MYO18A: variants seen among roughly 807,000 people sequenced by gnomAD.
The protein encoded by MYO18A is myosin XVIIIA, also known as unconventional myosin-XVIIIa.
Under a neutral mutation model 235.8 loss-of-function variants are expected in MYO18A, and 78 were observed. The observed-to-expected ratio is 0.33, with a 90% CI of 0.28 to 0.40. MYO18A has a LOEUF of 0.40. Among genes scored for constraint, MYO18A ranks in the 10% least tolerant of loss-of-function variants. MYO18A has a pLI of 1.00. For missense variants in MYO18A, 2,215 were observed against 2,699.3 expected, an observed-to-expected ratio of 0.82 and a Z score of 3.98; for synonymous variants, 977 against 1,077.8, an observed-to-expected ratio of 0.91 and a Z score of 1.83.
intron 33 of MYO18A, 142 bp from the exon 34 acceptor site, chr17:29,092,598 G>T: frequency 1.2e-6 from 1 of 812,566 alleles, no homozygotes; most frequent in Non-Finnish European, 2.0e-6. Flanking sequence ...GCTGTGTGGT[G>T]GTGCACGCGT....
Position 29,137,459 on chromosome 17 carries a change from G to T in MYO18A, c.1000-15206C>A, listed in dbSNP as rs1368278706. Reference sequence around the variant, plus strand: ...AAATACATAGTGAACTCAATGCCTGGGTTTGCAGGGAGGGCAAGGACACTG... The same window carrying T: ...AAATACATAGTGAACTCAATGCCTGTGTTTGCAGGGAGGGCAAGGACACTG... On this transcript the variant is annotated intron_variant, in intron 2 of 41. Transcript: ENST00000527372. Among the ~76,000 whole-genome samples the T allele has an allele frequency of 2.6e-5, 4 of 152,158 alleles. No individual in the cohort carries two copies. In the East Asian group the frequency reaches 7.7e-4, roughly 29 times the overall value.
chr17:29,106,990 C>T lies in MYO18A; in HGVS notation c.3441+90G>A, dbSNP rs1427873897. Reference sequence around the variant, plus strand: ...GCCTGAGCAGGGCCAGATGAGCTGTCTCCAGGGAAGGGAAGGCAGATGAGT... The same window carrying T: ...GCCTGAGCAGGGCCAGATGAGCTGTTTCCAGGGAAGGGAAGGCAGATGAGT... On this transcript the variant is annotated intron_variant, in intron 20 of 41. Coordinates refer to ENST00000527372, the MANE Select transcript of MYO18A (RefSeq NM_078471.4). The surrounding 1 kb of genome is among the most constrained non-coding windows in gnomAD (Gnocchi z 4.6). 2.1e-5 allele frequency: 27 copies of T among 1,286,100 alleles called. No homozygotes were observed. Among genetic ancestry groups the T allele is most frequent in the African/African-American group, 2.9e-5 (2 of 68,444 alleles). 79.7% of individuals were successfully genotyped at this position (1,286,100 alleles called of 1,614,324 possible).
intron 2 of MYO18A, among the ~76,000 whole-genome samples, chr17:29,145,987 G>T (rs1387031940): frequency 6.6e-6 from 1 of 152,256 alleles, no homozygotes; most frequent in Non-Finnish European, 1.5e-5. Flanking sequence ...GGCAGGCGTA[G>T]TGGCTCACGC....
Position 29,079,963 on chromosome 17 carries a change from T to C in MYO18A, c.6020+2353A>G, listed in dbSNP as rs894432046. The C allele has an allele frequency of 5.1e-6, 5 of 985,898 alleles. No individual in the cohort carries two copies. The African/African-American group carries it at 8.7e-5, about 17-fold the overall frequency. 61.1% of individuals were successfully genotyped at this position (985,898 alleles called of 1,614,324 possible). On this transcript the variant is annotated intron_variant, in intron 41 of 41. Coordinates refer to ENST00000527372, the MANE Select transcript of MYO18A (RefSeq NM_078471.4). Reference sequence around the variant, plus strand: ...TCTCTTTCTTCTCGACTTGGACTTCTTGCTCTTCCGAGAGCGCCCCTTCTT... The same window carrying C: ...TCTCTTTCTTCTCGACTTGGACTTCCTGCTCTTCCGAGAGCGCCCCTTCTT...
At chr17:29,114,504 C>T (rs546008253) in intron 14 of MYO18A, among the ~76,000 whole-genome samples, 2 of 152,328 alleles carry the variant, frequency 1.3e-5, no homozygotes, top group Admixed American at 6.5e-5. Flanking sequence ...TTCCAGTTCT[C>T]GTCCCATCCG....
At chr17:29,080,515 G>A (rs1220404487) in intron 41 of MYO18A, 15 of 986,024 alleles carry the variant, frequency 1.5e-5, no homozygotes, top group African/African-American at 3.5e-5. Flanking sequence ...TAGGCCAGAG[G>A]CCCGGCTCAG....
At chr17:29,105,533 G>C (rs1006688639) in intron 20 of MYO18A, among the ~76,000 whole-genome samples, 1 of 152,184 alleles carries the variant, frequency 6.6e-6, no homozygotes, top group Non-Finnish European at 1.5e-5. Flanking sequence ...AGGATCAAGG[G>C]ACTGGATGAG....
In MYO18A at chr17:29,120,950, C is replaced by G; in HGVS notation, c.1585+48G>C. ...CTTAAGAGGGTGCTCTCTCCTCACT[C>G]CCCTCCCCTCACCCCACTTTCAGTT... On this transcript the variant is annotated intron_variant, in intron 6 of 41. Transcript: ENST00000527372. This position sits in a 1 kb window ranked among gnomAD's most constrained non-coding sequence, Gnocchi z 4.2. 6.3e-7 allele frequency: 1 copy of G among 1,577,794 alleles called. No individual in the cohort carries two copies. Among genetic ancestry groups the G allele is most frequent in the Non-Finnish European group, 8.6e-7 (1 of 1,160,306 alleles).
chr17:29,128,608 G>A (rs969508106), intron 2 of MYO18A: 36 of 1,142,336 alleles, frequency 3.2e-5, no homozygotes, highest in Non-Finnish European at 3.3e-5. Flanking sequence ...ATCCCATGCA[G>A]AGGGAATAAG....
At chr17:29,149,735 C>G (rs1009807065) in intron 2 of MYO18A, among the ~76,000 whole-genome samples, 9 of 152,202 alleles carry the variant, frequency 5.9e-5, no homozygotes, top group South Asian at 4.1e-4. Context: ...TCATGGCCCC[C>G]GGGGACTTCC....
intron 2 of MYO18A, among the ~76,000 whole-genome samples, chr17:29,142,699 C>T (rs2067767267): frequency 6.6e-6 from 1 of 152,258 alleles, no homozygotes; most frequent in Non-Finnish European, 1.5e-5. Flanking sequence ...TGATTCACAG[C>T]ATACCATGGT....
chr17:29,115,788 T>C lies in MYO18A; in HGVS notation c.2103A>G (p.Leu701=). The change falls in exon 12 of 42, where the codon CTA becomes CTG. Residue 701 remains leucine (L), a synonymous_variant. Transcript: ENST00000527372. ...ACAGCTCCTCCAGGCTGCAGCCCAG[T>C]AGGTACGCAGCCTTCTGGGCCCACT... ...RHEWAQKAAY[L]LGCSLEELSS... is the part of the protein sequence containing the mutation. The C allele has an allele frequency of 6.3e-7, 1 of 1,592,082 alleles. No homozygotes were observed. Among genetic ancestry groups the C allele is most frequent in the Non-Finnish European group, 8.6e-7 (1 of 1,168,994 alleles).
chr17:29,146,715 G>A (rs1168190070), intron 2 of MYO18A, among the ~76,000 whole-genome samples: 25 of 152,194 alleles, frequency 1.6e-4, no homozygotes, highest in Admixed American at 1.6e-3. Flanking sequence ...GAGGACCAAG[G>A]CTGCCTAGAA....
chr17:29,129,528 T>C lies in MYO18A; in HGVS notation c.1000-7275A>G, dbSNP rs538200664. On this transcript the variant is annotated intron_variant, in intron 2 of 41. Coordinates refer to ENST00000527372, the MANE Select transcript of MYO18A (RefSeq NM_078471.4). The stretch of plus-strand genomic sequence containing the variant: ...AGAGTTTCCCATAAAGCCAGCTCCA[T>C]TGCCTGGGGAGCGTAAGGGCAACCT... 2.0e-5 allele frequency among the ~76,000 whole-genome samples: 3 copies of C among 152,326 alleles called. No individual in the cohort carries two copies. In the East Asian group the frequency reaches 5.8e-4, roughly 29 times the overall value.
chr17:29,156,490 T>G (rs775234240), intron 2 of MYO18A, among the ~76,000 whole-genome samples: 5 of 151,994 alleles, frequency 3.3e-5, no homozygotes, highest in African/African-American at 1.2e-4. Context: ...AAACAGTCCA[T>G]GGGTGGAGAT....
chr17:29,112,090 G>A (rs2066944362), intron 15 of MYO18A, among the ~76,000 whole-genome samples: 1 of 152,198 alleles, frequency 6.6e-6, no homozygotes, highest in African/African-American at 2.4e-5. Flanking sequence ...CAGCAAAAGA[G>A]GGTGCTTAGC....
chr17:29,086,810 C>T (rs1172351958), intron 38 of MYO18A, 126 bp downstream of exon 38: 2 of 1,236,570 alleles, frequency 1.6e-6, no homozygotes, highest in Non-Finnish European at 2.2e-6. Context: ...CTCCTCCTCC[C>T]TCCCATTCTC....
At chr17:29,152,546 T>C (rs997243232) in intron 2 of MYO18A, among the ~76,000 whole-genome samples, 1 of 152,084 alleles carries the variant, frequency 6.6e-6, no homozygotes, top group African/African-American at 2.4e-5. Context: ...GAAAGGCACT[T>C]TGGGCATAAG....
intron 41 of MYO18A, chr17:29,080,977 A>G (rs1371340938): frequency 2.0e-6 from 2 of 984,948 alleles, no homozygotes; most frequent in Admixed American, 1.2e-4. Context: ...CCTCTCCTCC[A>G]CCCCCGGGGC....
Sources: allele counts gnomAD v4.1 joint callset (sites outside exome capture counted in the v4.1 genomes callset), GRCh38; gene constraint gnomAD v4.1.1; non-coding constraint Gnocchi (gnomAD v3.1); transcripts MANE v1.5; gene names NCBI Gene and HGNC (gene_info 2026-07-23, HGNC 2026-07-21).